The following MAGI2 variants were observed in gnomAD, a reference collection of about 807,000 sequenced individuals.
MAGI2 encodes the protein membrane-associated guanylate kinase, WW and PDZ domain-containing protein 2.
Under a neutral mutation model 133.3 loss-of-function variants are expected in MAGI2, and 35 were observed. The ratio of observed to expected loss-of-function variants is 0.26; its 90% CI spans 0.20 to 0.35. The LOEUF (loss-of-function observed/expected upper bound fraction) is 0.35. Among genes scored for constraint, MAGI2 ranks in the 10% least tolerant of loss-of-function variants. The pLI, the probability that MAGI2 is intolerant of heterozygous loss-of-function variation, is 1.00. For missense variants in MAGI2, 1,636 were observed against 1,863.4 expected, an observed-to-expected ratio of 0.88 and a Z score of 2.25; for synonymous variants, 729 against 710.6, an observed-to-expected ratio of 1.03 and a Z score of -0.41.
chr7:78,106,615 G>A (rs1478834441), intron 20 of MAGI2, among the ~76,000 whole-genome samples: 3 of 152,018 alleles, frequency 2.0e-5, no homozygotes, highest in Non-Finnish European at 4.4e-5. Flanking sequence ...TAATGATGTT[G>A]AGCATTTTTT....
chr7:79,136,790 T>C (rs1821621529), intron 1 of MAGI2, among the ~76,000 whole-genome samples: 1 of 152,336 alleles, frequency 6.6e-6, no homozygotes, highest in East Asian at 1.9e-4. Flanking sequence ...TTAGTGTTTG[T>C]GTCATTCACA....
At chr7:78,649,237 A>AAAAAAAAAAAAAAAG (rs1563294737) in intron 2 of MAGI2, among the ~76,000 whole-genome samples, 10 of 65,482 alleles carry the variant, frequency 1.5e-4, no homozygotes, top group South Asian at 4.1e-4. Context: ...AAAAAAAAAG[A>AAAAAAAAAAAAAAAG]AAAAAAAAGA....
At chr7:78,124,762 T>C (rs971588509) in intron 20 of MAGI2, among the ~76,000 whole-genome samples, 1 of 152,136 alleles carries the variant, frequency 6.6e-6, no homozygotes, top group Non-Finnish European at 1.5e-5. Flanking sequence ...TTTATACCCT[T>C]AAATGAAGAA....
At chr7:78,530,126 C>G (rs1418596253) in intron 3 of MAGI2, among the ~76,000 whole-genome samples, 1 of 152,124 alleles carries the variant, frequency 6.6e-6, no homozygotes, top group Non-Finnish European at 1.5e-5. Flanking sequence ...ATATTATCAC[C>G]TGAATAACTC....
At chr7:78,449,623 C>T (rs982339241) in intron 6 of MAGI2, among the ~76,000 whole-genome samples, 5 of 151,988 alleles carry the variant, frequency 3.3e-5, no homozygotes, top group African/African-American at 9.7e-5. Context: ...AGAATAAGTA[C>T]CTATTTTTGT....
At chr7:79,149,183 C>A (rs918975158) in intron 1 of MAGI2, among the ~76,000 whole-genome samples, 10 of 146,864 alleles carry the variant, frequency 6.8e-5, no homozygotes, top group South Asian at 4.2e-4. Flanking sequence ...CAGAGAACCA[C>A]AATATGCTTA....
chr7:79,173,956 A>C (rs1237486051), intron 1 of MAGI2, among the ~76,000 whole-genome samples: 1 of 152,060 alleles, frequency 6.6e-6, no homozygotes, highest in Non-Finnish European at 1.5e-5. Flanking sequence ...TGTTAGATCA[A>C]TTTTGTGAAC....
intron 2 of MAGI2, among the ~76,000 whole-genome samples, chr7:78,653,255 T>C (rs1281379425): frequency 6.6e-6 from 1 of 152,152 alleles, no homozygotes; most frequent in Non-Finnish European, 1.5e-5. Flanking sequence ...GAACCAGAAG[T>C]ACCATTTGAC....
chr7:79,213,411 T>C (rs889939637), intron 1 of MAGI2, among the ~76,000 whole-genome samples: 1 of 151,940 alleles, frequency 6.6e-6, no homozygotes, highest in Non-Finnish European at 1.5e-5. Flanking sequence ...CCCAAACCCC[T>C]GGGCTCAAGC....
At chr7:78,081,278 T>C (rs947594738) in intron 20 of MAGI2, among the ~76,000 whole-genome samples, 3 of 152,194 alleles carry the variant, frequency 2.0e-5, no homozygotes, top group Admixed American at 6.5e-5. Context: ...TTGAGTGTCT[T>C]CATTCAGTAA....
chr7:78,058,633 A>G (rs1812908798), intron 21 of MAGI2, among the ~76,000 whole-genome samples: 1 of 152,068 alleles, frequency 6.6e-6, no homozygotes, highest in South Asian at 2.1e-4. Flanking sequence ...CACCACGCCC[A>G]GCTAATTGTA....
intron 3 of MAGI2, among the ~76,000 whole-genome samples, chr7:78,537,000 T>G (rs1798009493): frequency 6.6e-6 from 1 of 152,050 alleles, no homozygotes; most frequent in Admixed American, 6.6e-5. Flanking sequence ...CGTTGTATCA[T>G]TCTTATGCCT....
At chr7:78,070,210 T>TACAC (rs1239618988) in intron 21 of MAGI2, among the ~76,000 whole-genome samples, 17 of 55,408 alleles carry the variant, frequency 3.1e-4, no homozygotes, top group African/African-American at 8.0e-4. Flanking sequence ...TATATATATA[T>TACAC]ATATATATAC....
At chr7:78,463,856 A>G (rs894506131) in intron 6 of MAGI2, among the ~76,000 whole-genome samples, 17 of 152,198 alleles carry the variant, frequency 1.1e-4, no homozygotes, top group African/African-American at 3.6e-4. Flanking sequence ...AAAAGAGTTA[A>G]ATAAATGTTT....
intron 1 of MAGI2, among the ~76,000 whole-genome samples, chr7:79,248,829 C>T (rs1384064122): frequency 6.7e-6 from 1 of 148,498 alleles, no homozygotes; most frequent in African/African-American, 2.5e-5. Context: ...AATGGAAACG[C>T]AACATATTAA....
At chr7:78,247,231 T>C (rs112199028) in intron 10 of MAGI2, among the ~76,000 whole-genome samples, 7 of 152,138 alleles carry the variant, frequency 4.6e-5, no homozygotes, top group South Asian at 4.2e-4. Context: ...CAGCAATCTA[T>C]GCTGCCACTG....
At chr7:79,195,131 G>T (rs1055010199) in intron 1 of MAGI2, among the ~76,000 whole-genome samples, 2 of 151,770 alleles carry the variant, frequency 1.3e-5, no homozygotes, top group African/African-American at 4.9e-5. Context: ...TGTCATTCTT[G>T]ACTGACACAA....
chr7:79,392,924 T>A (rs1844776140), intron 1 of MAGI2, among the ~76,000 whole-genome samples: 1 of 152,174 alleles, frequency 6.6e-6, no homozygotes. Flanking sequence ...AGAACAAAAA[T>A]GATTTTAACA....
At chr7:78,461,383 C>CGTGTGTGTGTGTGT (rs1333014289) in intron 6 of MAGI2, among the ~76,000 whole-genome samples, 4 of 92,658 alleles carry the variant, frequency 4.3e-5, no homozygotes, top group African/African-American at 1.4e-4. Flanking sequence ...TTCCTGGACA[C>CGTGTGTGTGTGTGT]GTGTGTGTGC....
Sources: allele counts gnomAD v4.1 joint callset (sites outside exome capture counted in the v4.1 genomes callset), GRCh38; gene constraint gnomAD v4.1.1; transcripts MANE v1.5; gene names NCBI Gene and HGNC (gene_info 2026-07-23, HGNC 2026-07-21).